Variants in ARHGAP5 observed in about 807,000 individuals in gnomAD.
ARHGAP5 encodes the protein rho GTPase-activating protein 5.
Under a neutral mutation model 116.6 loss-of-function variants are expected in ARHGAP5, and 23 were observed. That is an observed-to-expected ratio of 0.20 (90% CI 0.14 to 0.28). The LOEUF (loss-of-function observed/expected upper bound fraction) is 0.28. ARHGAP5 is among the 10% of genes least tolerant of loss of function. The probability of loss-of-function intolerance (pLI) is 1.00; values close to 1 mark genes in which losing one functional copy is unlikely to be tolerated. For synonymous variants in ARHGAP5, 574 were observed against 602.0 expected, an observed-to-expected ratio of 0.95 and a Z score of 0.68; for missense variants, 1,405 against 1,774.8, an observed-to-expected ratio of 0.79 and a Z score of 3.74.
At chr14:32,138,424 C>T (rs945205169) in intron 3 of ARHGAP5, among the ~76,000 whole-genome samples, 1 of 152,146 alleles carries the variant, frequency 6.6e-6, no homozygotes, top group Non-Finnish European at 1.5e-5. Flanking sequence ...GCTGGGATTA[C>T]AGGTGGGTGC....
At chr14:32,096,608 T>C (rs917856898) in intron 2 of ARHGAP5, among the ~76,000 whole-genome samples, 1 of 152,192 alleles carries the variant, frequency 6.6e-6, no homozygotes, top group African/African-American at 2.4e-5. Context: ...AAAAATGTAA[T>C]TTACCTAAAC....
intron 3 of ARHGAP5, among the ~76,000 whole-genome samples, chr14:32,138,706 T>G (rs184014257): frequency 1.3e-4 from 20 of 152,352 alleles, no homozygotes; most frequent in African/African-American, 4.6e-4. Context: ...TTATTTTTCC[T>G]TGCCTAAAAC....
At chr14:32,134,027 A>G in intron 3 of ARHGAP5, among the ~76,000 whole-genome samples, 1 of 152,300 alleles carries the variant, frequency 6.6e-6, no homozygotes, top group South Asian at 2.1e-4. Flanking sequence ...TAAAAAAGGG[A>G]ATTTTAGACC....
rs1878222665 is a variant in ARHGAP5 at position 32,091,169 on chromosome 14, A to G, written c.500A>G (p.Gln167Arg). 6.2e-7 allele frequency: 1 copy of G among 1,613,634 alleles called. No homozygotes were observed. Among genetic ancestry groups the G allele is most frequent in the Non-Finnish European group, 8.5e-7 (1 of 1,179,644 alleles). ...DGFLLCIDVS[Q>R]GCNRKFDDQL... ...TTTTTATTATGCATTGATGTAAGTC[A>G]AGGATGCAATAGGAAGTTTGATGAT... The change falls in exon 2 of 7, where the codon CAA (glutamine) becomes CGA (arginine). Residue 167 changes from glutamine to arginine, a missense_variant. This residue lies in a region of ARHGAP5 where 190 missense variants were observed against 314.9 expected (regional missense o/e 0.60). Transcript: ENST00000345122.
rs1882022852 is a variant in ARHGAP5, at chr14:32,159,482, C to T, written c.*4534C>T. ...TAAGTTATGTGGGTTTAGTAATTGA[C>T]CTATTTATTCATTGCTTCACTAATT... On this transcript the variant is annotated 3_prime_UTR_variant, in exon 7 of 7. Coordinates refer to ENST00000345122, the MANE Select transcript of ARHGAP5 (RefSeq NM_001030055.2). 1.3e-5 allele frequency: 2 copies of T among 151,930 alleles called. No individual in the cohort carries two copies. Among genetic ancestry groups the T allele is most frequent in the African/African-American group, 2.4e-5 (1 of 41,362 alleles). The allele number at this position is 151,930 out of a possible 1,614,324, so 9.4% of individuals were successfully genotyped here. A position where few individuals can be genotyped will look rare whatever the true frequency, so the allele number is the denominator to read the frequency against.
chr14:32,111,904 C>T (rs963107956), intron 2 of ARHGAP5, among the ~76,000 whole-genome samples: 3 of 143,464 alleles, frequency 2.1e-5, no homozygotes, highest in African/African-American at 7.9e-5. Context: ...TGCAGTGGCA[C>T]GATCTCAGCT....
intron 2 of ARHGAP5, 24 bp downstream of exon 2, chr14:32,094,410 A>G (rs1337298735): frequency 7.3e-6 from 11 of 1,505,294 alleles, no homozygotes; most frequent in African/African-American, 2.8e-5. Context: ...AAGGTCAGTG[A>G]TGTTTATAAA....
intron 1 of ARHGAP5, among the ~76,000 whole-genome samples, chr14:32,087,410 C>CT (rs1476675753): frequency 1.3e-5 from 2 of 151,242 alleles, no homozygotes; most frequent in Non-Finnish European, 1.5e-5. Flanking sequence ...TAGCCAAACC[C>CT]TTTTGAGGGC....
At chr14:32,151,470 G>A (rs1881635779) in intron 5 of ARHGAP5, among the ~76,000 whole-genome samples, 1 of 152,274 alleles carries the variant, frequency 6.6e-6, no homozygotes, top group African/African-American at 2.4e-5. Context: ...AGTAATTGTA[G>A]TATAGGCGAA....
At position 32,092,067 on chromosome 14, in the gene ARHGAP5, C is replaced by T. The variant is rs1328050336; in HGVS notation, c.1398C>T (p.Ile466=). 2 of 1,613,794 alleles carry T rather than the reference C, an allele frequency of 1.2e-6. No homozygotes were observed. Among genetic ancestry groups the T allele is most frequent in the East Asian group, 2.2e-5 (1 of 44,868 alleles). Residue 466 remains isoleucine, a synonymous_variant, in exon 2 of 7, where the codon ATC becomes ATT. Transcript: ENST00000345122. The surrounding 1 kb of genome is among the most constrained non-coding windows in gnomAD (Gnocchi z 4.1). Reference sequence around the variant, plus strand: ...TGGAGGATGAAGCCTACAAATATATCACTGAGGCTGATAGCAAAGAGGTAT... The same window carrying T: ...TGGAGGATGAAGCCTACAAATATATTACTGAGGCTGATAGCAAAGAGGTAT... The part of the protein sequence containing the change: ...FVMEDEAYKY[I]TEADSKEVYG...
At chr14:32,122,507 A>G (rs1169826434) in intron 3 of ARHGAP5, among the ~76,000 whole-genome samples, 1 of 152,182 alleles carries the variant, frequency 6.6e-6, no homozygotes, top group Non-Finnish European at 1.5e-5. Flanking sequence ...TAAAGTTTTC[A>G]ATTTTGATGA....
intron 2 of ARHGAP5, among the ~76,000 whole-genome samples, chr14:32,106,679 T>C (rs1246555780): frequency 1.3e-5 from 2 of 152,228 alleles, no homozygotes; most frequent in Non-Finnish European, 2.9e-5. Flanking sequence ...CCATTTGCAG[T>C]ATGGCCTTTG....
chr14:32,096,526 G>A (rs190383089), intron 2 of ARHGAP5, among the ~76,000 whole-genome samples: 1 of 152,136 alleles, frequency 6.6e-6, no homozygotes, highest in Non-Finnish European at 1.5e-5. Flanking sequence ...CAGATTAAAA[G>A]ATAATAGAGA....
At chr14:32,149,826 C>G in intron 4 of ARHGAP5, 76 bp from the exon 5 acceptor site, 1 of 845,600 alleles carries the variant, frequency 1.2e-6, no homozygotes, top group Non-Finnish European at 1.6e-6. Flanking sequence ...ATCTTTTGAT[C>G]TAAAAGTAAC....
At chr14:32,101,393 G>A (rs529102585) in intron 2 of ARHGAP5, among the ~76,000 whole-genome samples, 14 of 152,244 alleles carry the variant, frequency 9.2e-5, no homozygotes, top group Non-Finnish European at 2.1e-4. Context: ...TATTAATATA[G>A]TAAATCTTAG....
chr14:32,120,693 T>G (rs1879841615), intron 3 of ARHGAP5, among the ~76,000 whole-genome samples: 1 of 151,842 alleles, frequency 6.6e-6, no homozygotes, highest in Non-Finnish European at 1.5e-5. Flanking sequence ...CATTTCTAGT[T>G]TAATTATTTT....
rs1878191780 is a variant in ARHGAP5 at position 32,090,559 on chromosome 14, G to T, written c.-111G>T. The T allele has an allele frequency of 2.1e-6, 2 of 973,834 alleles. No individual in the cohort carries two copies. The highest frequency in any genetic ancestry group is 3.5e-5 in the South Asian group (2 of 57,080). The allele number at this position is 973,834 out of a possible 1,614,324, so 60.3% of individuals were successfully genotyped here. On this transcript the variant is annotated 5_prime_UTR_variant, in exon 2 of 7. Transcript: ENST00000345122. ...TGCACAGAAATGAGGGAAATACAAA[G>T]AACCAAATACAGTTCTGAAATTTGG...
At chr14:32,132,531 A>G (rs1198714926) in intron 3 of ARHGAP5, among the ~76,000 whole-genome samples, 1 of 152,102 alleles carries the variant, frequency 6.6e-6, no homozygotes, top group Non-Finnish European at 1.5e-5. Context: ...CCCATTTTGT[A>G]GGTTGCCTGT....
intron 2 of ARHGAP5, among the ~76,000 whole-genome samples, chr14:32,103,786 T>C (rs1878892322): frequency 6.6e-6 from 1 of 152,106 alleles, no homozygotes; most frequent in African/African-American, 2.4e-5. Flanking sequence ...AGTACTCAAG[T>C]AAATAGGGCT....
Sources: gnomAD v4.1 joint callset for allele counts (sites outside exome capture counted in the v4.1 genomes callset) on GRCh38, gnomAD v4.1.1 for gene constraint, gnomAD v4.1.1 regional missense constraint, Gnocchi (gnomAD v3.1) non-coding constraint, MANE v1.5 for transcripts, NCBI Gene and HGNC (gene_info 2026-07-23, HGNC 2026-07-21) for gene names.